Variants in IGLON5 observed in about 807,000 individuals in gnomAD.
The protein encoded by IGLON5 is Ig-like domain-containing protein ENSP00000270642.
A neutral mutation model predicts 38.2 loss-of-function variants in IGLON5; 16 were observed. The observed-to-expected ratio is 0.42, with a 90% confidence interval of 0.28 to 0.64. The LOEUF (loss-of-function observed/expected upper bound fraction) is 0.64. Among genes scored for constraint, IGLON5 ranks in the 30% least tolerant of loss-of-function variants. The probability of loss-of-function intolerance (pLI) is 0.23; values close to 1 mark genes in which losing one functional copy is unlikely to be tolerated. For synonymous variants in IGLON5, 207 were observed against 216.4 expected (o/e 0.96, Z 0.38); for missense variants, 366 against 483.4 (o/e 0.76, Z 2.28).
Position 51,322,112 on chromosome 19 carries a change from C to T in IGLON5, c.128C>T (p.Thr43Ile). Residue 43 changes from threonine to isoleucine, a missense_variant, in exon 2 of 8, where the codon ACA becomes ATA. Coordinates refer to ENST00000270642, the MANE Select transcript of IGLON5 (RefSeq NM_001101372.3). ...LEFNSPADNY[T>I]VCEGDNATLS... ...TTCAACTCTCCTGCCGACAACTACA[C>T]AGTGTGTGAAGGTGACAACGCCACC... is the stretch of plus-strand genomic sequence containing the variant. The T allele has an allele frequency of 6.2e-7, 1 of 1,613,366 alleles. No individual in the cohort carries two copies. Among genetic ancestry groups the T allele is most frequent in the Non-Finnish European group, 8.5e-7 (1 of 1,179,832 alleles).
rs1029121765 is a variant in IGLON5, at chr19:51,329,806, A to G, written c.*1047A>G. The G allele has an allele frequency of 7.0e-6, 1 of 143,118 alleles. No individual in the cohort carries two copies. Among genetic ancestry groups the G allele is most frequent in the African/African-American group, 3.0e-5 (1 of 33,812 alleles). The allele number at this position is 143,118 out of a possible 1,614,324, so 8.9% of individuals were successfully genotyped here. On this transcript the variant is annotated 3_prime_UTR_variant, in exon 8 of 8. Coordinates refer to ENST00000270642, the MANE Select transcript of IGLON5 (RefSeq NM_001101372.3). This position sits in a 1 kb window ranked among gnomAD's most constrained non-coding sequence, Gnocchi z 4.3. ...GCCCTCACAGACACTCAGACGCACC[A>G]CACACACATACACACACACAGACAC...
At chr19:51,320,941 A>G (rs1985039906) in intron 1 of IGLON5, among the ~76,000 whole-genome samples, 1 of 152,204 alleles carries the variant, frequency 6.6e-6, no homozygotes, top group African/African-American at 2.4e-5. Flanking sequence ...ATGCATATAT[A>G]CTATGCGCTC....
rs778061994 is a variant in IGLON5 at position 51,324,093 on chromosome 19, AG to A, written c.391+202del. 3.4e-4 allele frequency among the ~76,000 whole-genome samples: 51 copies of A among 152,168 alleles called. No individual in the cohort carries two copies. The highest frequency in any genetic ancestry group is 6.9e-4 in the Non-Finnish European group (47 of 68,022). ...GTGACGCATCAACATGATTGCTTCT[AG>A]GGCAGGAGAGCTACAGGGATGAGGG... On this transcript the variant is annotated intron_variant, in intron 3 of 7. Coordinates refer to ENST00000270642, the MANE Select transcript of IGLON5 (RefSeq NM_001101372.3). The surrounding 1 kb of genome is among the most constrained non-coding windows in gnomAD (Gnocchi z 4.2).
At chr19:51,322,941 C>G in intron 2 of IGLON5, among the ~76,000 whole-genome samples, 1 of 147,360 alleles carries the variant, frequency 6.8e-6, no homozygotes, top group East Asian at 2.1e-4. Context: ...GGGTCTCTGT[C>G]TCCCTCTGTC....
At position 51,325,086 on chromosome 19, in the gene IGLON5, CCAGA is replaced by C. The variant is rs1363553892; in HGVS notation, c.392-255_392-252del. ...GCAATTAGACAAGAAGATGCCAGGC[CCAGA>C]CAGAGGTTTCAGAGAAAAAGGCAGA... On this transcript the variant is annotated intron_variant, in intron 3 of 7. Transcript: ENST00000270642. This position sits in a 1 kb window ranked among gnomAD's most constrained non-coding sequence, Gnocchi z 5.5. Among the ~76,000 whole-genome samples the C allele has an allele frequency of 1.3e-5, 2 of 151,882 alleles. No individual in the cohort carries two copies. The highest frequency in any genetic ancestry group is 2.9e-5 in the Non-Finnish European group (2 of 67,988).
At chr19:51,321,166 T>G (rs1172745460) in intron 1 of IGLON5, among the ~76,000 whole-genome samples, 1 of 152,158 alleles carries the variant, frequency 6.6e-6, no homozygotes, top group Non-Finnish European at 1.5e-5. Flanking sequence ...TATGTATATG[T>G]ATCTATGGTA....
At chr19:51,323,606 G>A (rs1568458900) in intron 2 of IGLON5, 56 bp from the exon 3 acceptor site, 1 of 1,480,950 alleles carries the variant, frequency 6.8e-7, no homozygotes. Flanking sequence ...CCCTCGGTGG[G>A]GGAAGCCTCA....
At position 51,323,842 on chromosome 19, in the gene IGLON5, C is replaced by T; in HGVS notation, c.339C>T (p.Ser113=). ...GLGDEGLYTC[S]FQTRHQPYTT... ...GCGACGAGGGCCTCTACACCTGCTC[C>T]TTCCAGACCCGCCACCAGCCGTACA... The change falls in exon 3 of 8, where the codon TCC becomes TCT. Residue 113 remains serine, a synonymous_variant. Coordinates refer to ENST00000270642, the MANE Select transcript of IGLON5 (RefSeq NM_001101372.3). The T allele has an allele frequency of 1.2e-6, 2 of 1,613,724 alleles. No homozygotes were observed. Among genetic ancestry groups the T allele is most frequent in the Admixed American group, 1.7e-5 (1 of 60,022 alleles).
At chr19:51,316,209 G>A (rs1158617888) in intron 1 of IGLON5, among the ~76,000 whole-genome samples, 5 of 150,866 alleles carry the variant, frequency 3.3e-5, no homozygotes, top group African/African-American at 4.9e-5. Context: ...GCCAGGCATG[G>A]TGGCACGCAC....
In IGLON5 at chr19:51,325,197, G is replaced by A. The variant is rs189707363; in HGVS notation, c.392-149G>A. 6 of 1,108,042 alleles carry A rather than the reference G, an allele frequency of 5.4e-6. No homozygotes were observed. Among genetic ancestry groups the A allele is most frequent in the South Asian group, 3.0e-5 (2 of 67,794 alleles). 68.6% of individuals were successfully genotyped at this position (1,108,042 alleles called of 1,614,324 possible). On this transcript the variant is annotated intron_variant, in intron 3 of 7. Coordinates refer to ENST00000270642, the MANE Select transcript of IGLON5 (RefSeq NM_001101372.3). This position sits in a 1 kb window ranked among gnomAD's most constrained non-coding sequence, Gnocchi z 5.5. The stretch of plus-strand genomic sequence containing the variant: ...AGAGGAACTGCGGGTCTGAACTCCC[G>A]GGTCTGAGGGAGGAGGGGCTGGGGG...
chr19:51,313,978 T>C (rs1263884283), intron 1 of IGLON5, among the ~76,000 whole-genome samples: 1 of 152,034 alleles, frequency 6.6e-6, no homozygotes, highest in Admixed American at 6.6e-5. Context: ...TCCTCCCACC[T>C]GGGCCTCTCA....
At chr19:51,315,855 C>G (rs1161373299) in intron 1 of IGLON5, among the ~76,000 whole-genome samples, 1 of 151,980 alleles carries the variant, frequency 6.6e-6, no homozygotes, top group Non-Finnish European at 1.5e-5. Flanking sequence ...ACCACCACGC[C>G]TGGCTAATTT....
In IGLON5 at chr19:51,330,135, AC is replaced by A. The variant is rs1985319165; in HGVS notation, c.*1379del. 6.6e-6 allele frequency: 1 copy of A among 152,004 alleles called. No individual in the cohort carries two copies. Among genetic ancestry groups the A allele is most frequent in the South Asian group, 2.1e-4 (1 of 4,806 alleles). 9.4% of individuals were successfully genotyped at this position (152,004 alleles called of 1,614,324 possible). On this transcript the variant is annotated 3_prime_UTR_variant, in exon 8 of 8. Transcript: ENST00000270642. ...ATAAACACCCACCCCAAACCACACC[AC>A]CCAGAGTCTGGTGGAGAAAAGGAGA...
At chr19:51,316,129 T>A (rs1286424993) in intron 1 of IGLON5, among the ~76,000 whole-genome samples, 6 of 149,222 alleles carry the variant, frequency 4.0e-5, no homozygotes, top group Non-Finnish European at 8.9e-5. Context: ...GTGAATCACC[T>A]GAGCTCAGGA....
At chr19:51,313,390 T>C (rs1257437209) in intron 1 of IGLON5, among the ~76,000 whole-genome samples, 1 of 152,244 alleles carries the variant, frequency 6.6e-6, no homozygotes, top group Non-Finnish European at 1.5e-5. Flanking sequence ...TCATTGTCTC[T>C]CCATCCCTGC....
In IGLON5 at chr19:51,327,874, A is replaced by T. The variant is rs747147617; in HGVS notation, c.910A>T (p.Met304Leu). 7 of 1,393,064 alleles carry T rather than the reference A, an allele frequency of 5.0e-6. No individual in the cohort carries two copies. Among genetic ancestry groups the T allele is most frequent in the Non-Finnish European group, 5.7e-6 (6 of 1,050,468 alleles). The allele number at this position is 1,393,064 out of a possible 1,614,324, so 86.3% of individuals were successfully genotyped here. A position where few individuals can be genotyped will look rare whatever the true frequency, so the allele number is the denominator to read the frequency against. ...ANRLGASSAS[M>L]RLLRPGSLEN... ...CCGACTGGGAGCGTCCAGCGCCTCC[A>T]TGCGGCTCCTGCGTGCGTCTTCGGG... is the stretch of plus-strand genomic sequence containing the variant. The change falls in exon 7 of 8, where the codon ATG becomes TTG. Residue 304 changes from methionine (M) to leucine (L), a missense_variant. Transcript: ENST00000270642. This position sits in a 1 kb window ranked among gnomAD's most constrained non-coding sequence, Gnocchi z 7.1.
At position 51,325,298 on chromosome 19, in the gene IGLON5, G is replaced by A. The variant is rs928957708; in HGVS notation, c.392-48G>A. The stretch of plus-strand genomic sequence containing the variant: ...TGGGTCTGAAGGAGGAAGGGCTGGG[G>A]GCCTGGATTCCTGGGCATCCATATT... On this transcript the variant is annotated intron_variant, in intron 3 of 7. Coordinates refer to ENST00000270642, the MANE Select transcript of IGLON5 (RefSeq NM_001101372.3). The surrounding 1 kb of genome is among the most constrained non-coding windows in gnomAD (Gnocchi z 5.5). 2 of 1,594,504 alleles carry A rather than the reference G, an allele frequency of 1.3e-6. No homozygotes were observed. The highest frequency in any genetic ancestry group is 2.7e-5 in the African/African-American group (2 of 74,562).
chr19:51,330,613 T>C lies in IGLON5; in HGVS notation c.*1854T>C, dbSNP rs967674305. Among the ~76,000 whole-genome samples, 1 of 152,174 alleles carries C rather than the reference T, an allele frequency of 6.6e-6. No individual in the cohort carries two copies. Among genetic ancestry groups the C allele is most frequent in the African/African-American group, 2.4e-5 (1 of 41,448 alleles). On this transcript the variant is annotated 3_prime_UTR_variant, in exon 8 of 8. Coordinates refer to ENST00000270642, the MANE Select transcript of IGLON5 (RefSeq NM_001101372.3). ...AAGTGAATGGATTCCCAAGAAGAGA[T>C]GCTTTTCTGCTGGATATTGTGGCTC...
Position 51,330,491 on chromosome 19 carries a change from A to AGAGATGCCCTGTGATTGGCCG in IGLON5, c.*1733_*1753dup, listed in dbSNP as rs1297883947. On this transcript the variant is annotated 3_prime_UTR_variant, in exon 8 of 8. Coordinates refer to ENST00000270642, the MANE Select transcript of IGLON5 (RefSeq NM_001101372.3). ...GGTAGACTTGGAATGGACTCATTAC[A>AGAGATGCCCTGTGATTGGCCG]GAGATGCCCTGTGATTGGCCGAAGA... The AGAGATGCCCTGTGATTGGCCG allele has an allele frequency of 6.6e-6, 1 of 152,262 alleles. No individual in the cohort carries two copies. Among genetic ancestry groups the AGAGATGCCCTGTGATTGGCCG allele is most frequent in the Non-Finnish European group, 1.5e-5 (1 of 68,056 alleles). 9.4% of individuals were successfully genotyped at this position (152,262 alleles called of 1,614,324 possible).
Sources: allele counts gnomAD v4.1 joint callset (sites outside exome capture counted in the v4.1 genomes callset), GRCh38; gene constraint gnomAD v4.1.1; non-coding constraint Gnocchi (gnomAD v3.1); transcripts MANE v1.5; gene names NCBI Gene and HGNC (gene_info 2026-07-23, HGNC 2026-07-21).